Variants in AKT1 observed in about 807,000 individuals in gnomAD.
AKT1 encodes the protein RAC-alpha serine/threonine-protein kinase.
Under a neutral mutation model 63.1 loss-of-function variants are expected in AKT1, and 21 were observed. That is an observed-to-expected ratio of 0.33 (90% CI 0.24 to 0.48). The LOEUF is 0.48. Among genes scored for constraint, AKT1 ranks in the 20% least tolerant of loss-of-function variants. The pLI is 0.99. For missense variants in AKT1, 382 were observed against 666.0 expected (o/e 0.57, Z 4.69); for synonymous variants, 257 against 253.1 (o/e 1.02, Z -0.15).
intron 3 of AKT1, among the ~76,000 whole-genome samples, chr14:104,781,662 C>T (rs1431464555): frequency 6.6e-6 from 1 of 152,208 alleles, no homozygotes; most frequent in Non-Finnish European, 1.5e-5. Context: ...GCGTGGTCTC[C>T]ACAAGACCAG....
chr14:104,794,022 G>C (rs1893761283), intron 1 of AKT1: 1 of 152,310 alleles, frequency 6.6e-6, no homozygotes, highest in African/African-American at 2.4e-5. Flanking sequence ...CACCCACAAA[G>C]GGTTGCTTTG....
intron 6 of AKT1, 26 bp from the exon 7 acceptor site, chr14:104,775,233 A>G (rs779704675): frequency 6.2e-7 from 1 of 1,612,190 alleles, no homozygotes; most frequent in South Asian, 1.1e-5. Flanking sequence ...AGGGTCAGCA[A>G]GCGGCGCTGC....
At chr14:104,775,899 T>G in intron 5 of AKT1, 100 bp from the exon 6 acceptor site, 1 of 1,444,734 alleles carries the variant, frequency 6.9e-7, no homozygotes, top group Admixed American at 2.1e-5. Flanking sequence ...GTTCCACAGC[T>G]GTCGGGGTTC....
chr14:104,780,042 GCCAA>G (rs765698927), intron 4 of AKT1, 42 bp downstream of exon 4: 1 of 1,600,010 alleles, frequency 6.2e-7, no homozygotes, highest in African/African-American at 1.3e-5. Context: ...GAGGGCTCCA[GCCAA>G]CCCCCCAAAT....
At chr14:104,790,577 A>G (rs1457163345) in intron 3 of AKT1, among the ~76,000 whole-genome samples, 1 of 152,170 alleles carries the variant, frequency 6.6e-6, no homozygotes, top group Non-Finnish European at 1.5e-5. Flanking sequence ...CTCCGCAAGG[A>G]GCGGCCGGCC....
intron 12 of AKT1, 37 bp downstream of exon 12, chr14:104,772,841 G>A (rs1396523853): frequency 1.3e-6 from 2 of 1,578,186 alleles, no homozygotes; most frequent in South Asian, 1.1e-5. Flanking sequence ...ATGAGGGGAT[G>A]GAGGTGTAGC....
chr14:104,777,870 C>T, intron 4 of AKT1: 2 of 219,784 alleles, frequency 9.1e-6, no homozygotes, highest in Non-Finnish European at 1.5e-5. Context: ...TCAACACAGG[C>T]CAGAGAAGTG....
chr14:104,773,691 G>A lies in AKT1; in HGVS notation c.703-111C>T, dbSNP rs536368121. 4.1e-6 allele frequency: 6 copies of A among 1,458,554 alleles called. No homozygotes were observed. The South Asian group carries it at 8.0e-5, about 19-fold the overall frequency. 90.4% of individuals were successfully genotyped at this position (1,458,554 alleles called of 1,614,324 possible). ...TCGGCATTGCACAGGGAAGGGACCA[G>A]CCACCAGAGGGCACGGGGGCCTGGA... On this transcript the variant is annotated intron_variant, in intron 9 of 14. Coordinates refer to ENST00000649815, the MANE Select transcript of AKT1 (RefSeq NM_001382430.1).
Position 104,779,964 on chromosome 14 carries a change from G to A in AKT1, c.175+124C>T, listed in dbSNP as rs1057468320. On this transcript the variant is annotated intron_variant, in intron 4 of 14. Coordinates refer to ENST00000649815, the MANE Select transcript of AKT1 (RefSeq NM_001382430.1). ...GCCCAGAGACCCCCACCCAGCCAGT[G>A]CTTGTTGCTTGCCAGCCCAGGACTT... is the stretch of plus-strand genomic sequence containing the variant. 13 of 1,396,180 alleles carry A rather than the reference G, an allele frequency of 9.3e-6. No homozygotes were observed. In the African/African-American group the frequency reaches 1.6e-4, roughly 17 times the overall value. The allele number at this position is 1,396,180 out of a possible 1,614,324, so 86.5% of individuals were successfully genotyped here. A position where few individuals can be genotyped will look rare whatever the true frequency, so the allele number is the denominator to read the frequency against.
chr14:104,792,827 C>T (rs916907480), intron 2 of AKT1, 105 bp from the exon 3 acceptor site: 13 of 676,572 alleles, frequency 1.9e-5, no homozygotes, highest in African/African-American at 8.9e-5. Context: ...GGGCTCCACC[C>T]GCACCTGCCT....
At chr14:104,777,473 CACCT>C (rs944333605) in intron 4 of AKT1, 3 of 880,440 alleles carry the variant, frequency 3.4e-6, no homozygotes, top group African/African-American at 1.9e-5. Context: ...CACATCTAGA[CACCT>C]AGCCACATCT....
At chr14:104,787,533 G>A (rs1319423396) in intron 3 of AKT1, among the ~76,000 whole-genome samples, 1 of 152,250 alleles carries the variant, frequency 6.6e-6, no homozygotes, top group African/African-American at 2.4e-5. Flanking sequence ...GGTGTGCCCA[G>A]GCAGAGGGGA....
intron 3 of AKT1, among the ~76,000 whole-genome samples, chr14:104,782,891 G>C (rs991983706): frequency 6.6e-6 from 1 of 152,172 alleles, no homozygotes; most frequent in Admixed American, 6.5e-5. Context: ...GATCACTTGG[G>C]GGGGTGCCAG....
At position 104,775,736 on chromosome 14, in the gene AKT1, C is replaced by A. The variant is rs1268659696; in HGVS notation, c.351G>T (p.Glu117Asp). Residue 117 changes from glutamate to aspartate, a missense_variant, in exon 6 of 15, where the codon GAG (glutamate) becomes GAT (aspartate). Glu to Asp is a conservative substitution (Grantham distance 45). This residue lies in a region of AKT1 where 226 missense variants were observed against 366.4 expected (regional missense o/e 0.62). Coordinates refer to ENST00000649815, the MANE Select transcript of AKT1 (RefSeq NM_001382430.1). Reference protein sequence around the residue: ...ADGLKKQEEEEMDFRSGSPSD... With the variant: ...ADGLKKQEEEDMDFRSGSPSD... ...TGGGTGAGCCCGACCGGAAGTCCATCTCCTCCTCCTCCTGCTTCTTGAGGC... is the reference window on the plus strand; with the variant it reads ...TGGGTGAGCCCGACCGGAAGTCCATATCCTCCTCCTCCTGCTTCTTGAGGC... 11 of 1,613,360 alleles carry A rather than the reference C, an allele frequency of 6.8e-6. No individual in the cohort carries two copies. The highest frequency in any genetic ancestry group is 9.3e-6 in the Non-Finnish European group (11 of 1,179,626).
chr14:104,770,069 C>T lies in AKT1; in HGVS notation c.*272G>A. ...AGCTGCAGAAGTCCTTAACATTTCC[C>T]TACGTGAATCGGATTGTTCTGAGGG... On this transcript the variant is annotated 3_prime_UTR_variant, in exon 15 of 15. Coordinates refer to ENST00000649815, the MANE Select transcript of AKT1 (RefSeq NM_001382430.1). 2 of 546,732 alleles carry T rather than the reference C, an allele frequency of 3.7e-6. No homozygotes were observed. Among genetic ancestry groups the T allele is most frequent in the Non-Finnish European group, 6.6e-6 (2 of 302,936 alleles). The allele number at this position is 546,732 out of a possible 1,614,324, so 33.9% of individuals were successfully genotyped here.
intron 12 of AKT1, among the ~76,000 whole-genome samples, chr14:104,772,658 G>A (rs1040768854): frequency 6.6e-6 from 1 of 152,332 alleles, no homozygotes; most frequent in African/African-American, 2.4e-5. Flanking sequence ...TGAGTGGGTG[G>A]GTGCAGGCTG....
rs746934495 is a variant in AKT1, at chr14:104,775,722, G to A, written c.365C>T (p.Ser122Leu). 5 of 1,613,958 alleles carry A rather than the reference G, an allele frequency of 3.1e-6. No homozygotes were observed. Among genetic ancestry groups the A allele is most frequent in the Admixed American group, 1.7e-5 (1 of 59,994 alleles). ...KQEEEEMDFR[S>L]GSPSDNSGAE... The stretch of plus-strand genomic sequence containing the variant: ...CCCTGAGTTGTCACTGGGTGAGCCC[G>A]ACCGGAAGTCCATCTCCTCCTCCTC... Residue 122 changes from serine to leucine, a missense_variant, in exon 6 of 15, where the codon TCG (serine) becomes TTG (leucine). Transcript: ENST00000649815.
rs1253252766 is a variant in AKT1, at chr14:104,775,819, G to C, written c.288-20C>G. The C allele has an allele frequency of 8.1e-6, 13 of 1,612,038 alleles. No individual in the cohort carries two copies. Among genetic ancestry groups the C allele is most frequent in the African/African-American group, 1.3e-5 (1 of 74,894 alleles). The stretch of plus-strand genomic sequence containing the variant: ...TCCTCCCTGCAGGAGGTCAGGTGAG[G>C]CTGCAGGCCTGTACCAGATCAGGAG... On this transcript the variant is annotated intron_variant, in intron 5 of 14. Coordinates refer to ENST00000649815, the MANE Select transcript of AKT1 (RefSeq NM_001382430.1).
chr14:104,789,026 C>T (rs908214153), intron 3 of AKT1, among the ~76,000 whole-genome samples: 31 of 152,236 alleles, frequency 2.0e-4, no homozygotes, highest in Non-Finnish European at 2.9e-4. Context: ...GTAACCCACG[C>T]GCCCCAGGCA....
Sources: allele counts gnomAD v4.1 joint callset (sites outside exome capture counted in the v4.1 genomes callset), GRCh38; gene constraint gnomAD v4.1.1; regional missense constraint gnomAD v4.1.1; transcripts MANE v1.5; gene names NCBI Gene and HGNC (gene_info 2026-07-23, HGNC 2026-07-21).